Variants in TECRL observed in about 807,000 individuals in gnomAD.
The protein encoded by TECRL is trans-2,3-enoyl-CoA reductase-like.
TECRL carries 63 observed loss-of-function variants against 52.8 expected under a neutral mutation model. The observed-to-expected ratio is 1.19, with a 90% CI of 0.97 to 1.47. The LOEUF (loss-of-function observed/expected upper bound fraction) is 1.47, where lower values mean the gene tolerates loss of function less well. Ranked by LOEUF, TECRL falls within the 40% of genes most tolerant of loss-of-function variation. The pLI is 0.00. For missense variants in TECRL, 482 were observed against 429.6 expected (o/e 1.12, Z -1.08); for synonymous variants, 164 against 141.9 (o/e 1.16, Z -1.10).
chr4:64,333,967 T>C (rs1718845788), intron 2 of TECRL, among the ~76,000 whole-genome samples: 1 of 110,028 alleles, frequency 9.1e-6, no homozygotes, highest in South Asian at 2.5e-4. Flanking sequence ...GAGCTTGCAG[T>C]GAGCCGAGAT....
intron 1 of TECRL, among the ~76,000 whole-genome samples, chr4:64,381,227 A>G (rs1205078473): frequency 1.3e-5 from 2 of 152,004 alleles, no homozygotes; most frequent in Non-Finnish European, 1.5e-5. Flanking sequence ...ACTGATTTTC[A>G]TATGTTGATT....
chr4:64,383,291 AT>A lies in TECRL; in HGVS notation c.235-8069del, dbSNP rs537422168. The stretch of plus-strand genomic sequence containing the variant: ...TATTTGGGCATCTTTAAGCTCCTGT[AT>A]CTGGATGTCTATATCTTGCAAGATG... On this transcript the variant is annotated intron_variant, in intron 1 of 11. Coordinates refer to ENST00000381210, the MANE Select transcript of TECRL (RefSeq NM_001010874.5). Among the ~76,000 whole-genome samples, 547 of 152,216 alleles carry A rather than the reference AT, an allele frequency of 3.6e-3. 2 individuals are homozygous for A. The highest frequency in any genetic ancestry group is 8.3e-3 in the Admixed American group (126 of 15,272).
intron 8 of TECRL, among the ~76,000 whole-genome samples, 158 bp from the exon 9 acceptor site, chr4:64,289,925 A>G (rs982298815): frequency 1.3e-5 from 2 of 152,196 alleles, no homozygotes; most frequent in African/African-American, 4.8e-5. Flanking sequence ...TTTTTTAATT[A>G]TAACAATGAA....
intron 2 of TECRL, among the ~76,000 whole-genome samples, chr4:64,346,424 G>T (rs1244114727): frequency 6.6e-6 from 1 of 152,180 alleles, no homozygotes; most frequent in Non-Finnish European, 1.5e-5. Context: ...GACATCCGGG[G>T]GTTTCCATAC....
At chr4:64,336,037 A>G (rs1428855173) in intron 2 of TECRL, among the ~76,000 whole-genome samples, 1 of 152,106 alleles carries the variant, frequency 6.6e-6, no homozygotes, top group Non-Finnish European at 1.5e-5. Flanking sequence ...AAAATGAGTT[A>G]GGGAGGATTC....
intron 2 of TECRL, among the ~76,000 whole-genome samples, chr4:64,358,483 A>G (rs1209460031): frequency 6.6e-6 from 1 of 151,734 alleles, no homozygotes; most frequent in African/African-American, 2.4e-5. Flanking sequence ...ATATAGAAAT[A>G]TTTTGATAGG....
chr4:64,339,818 C>T (rs1343880169), intron 2 of TECRL, among the ~76,000 whole-genome samples: 1 of 152,160 alleles, frequency 6.6e-6, no homozygotes, highest in African/African-American at 2.4e-5. Flanking sequence ...ATAATTCTCT[C>T]TAAAACATTC....
chr4:64,358,397 G>C (rs1720934396), intron 2 of TECRL, among the ~76,000 whole-genome samples: 1 of 151,700 alleles, frequency 6.6e-6, no homozygotes, highest in Non-Finnish European at 1.5e-5. Flanking sequence ...ATATCTACAG[G>C]ATGTATATTG....
At chr4:64,365,858 T>G (rs1344694636) in intron 2 of TECRL, among the ~76,000 whole-genome samples, 1 of 152,116 alleles carries the variant, frequency 6.6e-6, no homozygotes, top group Non-Finnish European at 1.5e-5. Context: ...ATGACATGTT[T>G]TCACAGAATT....
chr4:64,328,746 A>T (rs543164350), intron 2 of TECRL, among the ~76,000 whole-genome samples, 190 bp from the exon 3 acceptor site: 1 of 152,068 alleles, frequency 6.6e-6, no homozygotes, highest in Admixed American at 6.6e-5. Flanking sequence ...ACTGAGAGAA[A>T]GCATGAGGAA....
intron 1 of TECRL, among the ~76,000 whole-genome samples, chr4:64,393,991 G>A (rs1030018397): frequency 1.3e-5 from 2 of 151,908 alleles, no homozygotes; most frequent in African/African-American, 4.8e-5. Flanking sequence ...GACTTTTTTG[G>A]AGTAAGAAAA....
At chr4:64,398,491 C>G (rs1724121216) in intron 1 of TECRL, among the ~76,000 whole-genome samples, 1 of 152,072 alleles carries the variant, frequency 6.6e-6, no homozygotes, top group African/African-American at 2.4e-5. Context: ...TCTCTTTGTT[C>G]TTATTTTCAC....
At chr4:64,400,210 ATTG>A (rs1202270571) in intron 1 of TECRL, among the ~76,000 whole-genome samples, 1 of 152,056 alleles carries the variant, frequency 6.6e-6, no homozygotes, top group Admixed American at 6.6e-5. Context: ...AGATTTAATT[ATTG>A]TTCTACTAGG....
chr4:64,280,517 C>T (rs1225239942), intron 11 of TECRL, among the ~76,000 whole-genome samples: 1 of 152,016 alleles, frequency 6.6e-6, no homozygotes, highest in Non-Finnish European at 1.5e-5. Flanking sequence ...ATATAATATT[C>T]CTCTACATGC....
chr4:64,295,788 C>T (rs187131094), intron 8 of TECRL, among the ~76,000 whole-genome samples: 35 of 151,758 alleles, frequency 2.3e-4, no homozygotes, highest in Admixed American at 1.2e-3. Context: ...GTAAGTTAGT[C>T]GTAGCTCAAA....
intron 6 of TECRL, among the ~76,000 whole-genome samples, chr4:64,306,512 A>G (rs924453879): frequency 2.6e-5 from 4 of 152,062 alleles, no homozygotes; most frequent in African/African-American, 9.7e-5. Context: ...TCCCTTCTTT[A>G]TATTCAATGT....
At chr4:64,355,281 A>G (rs1210242239) in intron 2 of TECRL, among the ~76,000 whole-genome samples, 1 of 152,202 alleles carries the variant, frequency 6.6e-6, no homozygotes, top group East Asian at 1.9e-4. Flanking sequence ...AAACGAAATT[A>G]GATGAATAAT....
chr4:64,331,319 C>T (rs1210615614), intron 2 of TECRL, among the ~76,000 whole-genome samples: 1 of 152,066 alleles, frequency 6.6e-6, no homozygotes, highest in Non-Finnish European at 1.5e-5. Context: ...GGAACACTCT[C>T]ATTGAAACTT....
intron 2 of TECRL, among the ~76,000 whole-genome samples, chr4:64,349,366 C>T (rs1181168815): frequency 6.6e-6 from 1 of 151,908 alleles, no homozygotes; most frequent in Non-Finnish European, 1.5e-5. Flanking sequence ...CTCCTGACTT[C>T]GTGATCTACC....
Sources: allele counts gnomAD v4.1 joint callset (sites outside exome capture counted in the v4.1 genomes callset), GRCh38; gene constraint gnomAD v4.1.1; transcripts MANE v1.5; gene names NCBI Gene and HGNC (gene_info 2026-07-23, HGNC 2026-07-21).